Variants in TMEM44 observed in about 807,000 individuals in gnomAD.
TMEM44 encodes transmembrane protein 44.
In TMEM44, 43 loss-of-function variants were observed where a neutral mutation model predicts 47.8. That is an observed-to-expected ratio of 0.90 (90% CI 0.70 to 1.16). The LOEUF (loss-of-function observed/expected upper bound fraction) is 1.16. Among genes scored for constraint, TMEM44 ranks in the 50% most tolerant of loss-of-function variants. The pLI is 0.00. For missense variants in TMEM44, 568 were observed against 555.2 expected (o/e 1.02, Z -0.23); for synonymous variants, 277 against 238.8 (o/e 1.16, Z -1.48).
At chr3:194,608,233 C>T (rs1471648949) in intron 8 of TMEM44, among the ~76,000 whole-genome samples, 1 of 152,208 alleles carries the variant, frequency 6.6e-6, no homozygotes, top group Non-Finnish European at 1.5e-5. Context: ...TCTCTCTGAA[C>T]TTCACTTAGG....
chr3:194,596,379 T>C (rs1459280660), intron 9 of TMEM44, among the ~76,000 whole-genome samples: 4 of 152,110 alleles, frequency 2.6e-5, no homozygotes, highest in African/African-American at 7.2e-5. Flanking sequence ...GTACAGAAGT[T>C]TTCCAGAGTG....
At chr3:194,601,429 C>CA (rs1714108908) in intron 9 of TMEM44, among the ~76,000 whole-genome samples, 1 of 151,028 alleles carries the variant, frequency 6.6e-6, no homozygotes, top group South Asian at 2.1e-4. Flanking sequence ...CTCAGCCTCC[C>CA]AAGTAGCTGG....
intron 9 of TMEM44, among the ~76,000 whole-genome samples, chr3:194,591,430 G>A (rs569824321): frequency 1.9e-4 from 29 of 152,062 alleles, no homozygotes; most frequent in African/African-American, 7.0e-4. Flanking sequence ...GGAGGCGGAG[G>A]TTGCAGTGAG....
chr3:194,598,233 C>T (rs1713651620), intron 9 of TMEM44, among the ~76,000 whole-genome samples: 1 of 152,206 alleles, frequency 6.6e-6, no homozygotes, highest in South Asian at 2.1e-4. Context: ...GCGAGCCCCA[C>T]ATGCCCACGG....
intron 2 of TMEM44, 40 bp downstream of exon 2, chr3:194,628,343 G>T (rs781752627): frequency 6.3e-7 from 1 of 1,594,012 alleles, no homozygotes. Flanking sequence ...GCCTCCCTTA[G>T]TGCTGGCCTA....
rs749448000 is a variant in TMEM44, at chr3:194,623,562, C to T, written c.492G>A (p.Gly164=). 5.6e-6 allele frequency: 9 copies of T among 1,606,768 alleles called. No individual in the cohort carries two copies. Among genetic ancestry groups the T allele is most frequent in the Admixed American group, 5.1e-5 (3 of 59,266 alleles). The stretch of plus-strand genomic sequence containing the variant: ...GGCTCGCTAGCAGCCTCCGCTGTGG[C>T]CCCCGGATGGTGGCTGAAGCCTTCG... ...AVPKASATIR[G]PQRRLLASLL... is the part of the protein sequence containing the mutation. The change falls in exon 4 of 10, where the codon GGG becomes GGA. Residue 164 remains glycine, a synonymous_variant. Transcript: ENST00000347147.
In TMEM44 at chr3:194,604,345, C is replaced by T. The variant is rs776238389; in HGVS notation, c.1118G>A (p.Arg373Gln). The change falls in exon 9 of 10, where the codon CGG (arginine) becomes CAG (glutamine). Residue 373 changes from arginine to glutamine, a missense_variant. Arg to Gln is a conservative substitution (Grantham distance 43). Coordinates refer to ENST00000347147, the MANE Select transcript of TMEM44 (RefSeq NM_001011655.3). ...PPSYPPVQVI[R>Q]ARVSSGSSSE... ...GGAGCTGCCGGAAGACACCCGGGCC[C>T]GGATGACCTGAACGGGAGGGTACGA... The T allele has an allele frequency of 4.1e-5, 65 of 1,574,710 alleles. No homozygotes were observed. In the Admixed American group the frequency reaches 1.1e-3, roughly 26 times the overall value.
chr3:194,591,985 G>A (rs1014147535), intron 9 of TMEM44, among the ~76,000 whole-genome samples: 4 of 152,124 alleles, frequency 2.6e-5, no homozygotes, highest in South Asian at 2.1e-4. Flanking sequence ...TTGGGAGGCC[G>A]AGGCGGGTGG....
intron 8 of TMEM44, among the ~76,000 whole-genome samples, chr3:194,604,826 A>C (rs761754332): frequency 1.1e-4 from 16 of 152,150 alleles, no homozygotes; most frequent in Non-Finnish European, 1.9e-4. Context: ...CAGTCTATTA[A>C]CCCATCCCCT....
intron 5 of TMEM44, among the ~76,000 whole-genome samples, chr3:194,618,488 T>C (rs1462930212): frequency 1.3e-5 from 2 of 148,726 alleles, no homozygotes; most frequent in Non-Finnish European, 3.0e-5. Context: ...TATAATTCAT[T>C]AGATGAGTTC....
At chr3:194,591,516 ATAAG>A (rs1327711392) in intron 9 of TMEM44, among the ~76,000 whole-genome samples, 9 of 151,526 alleles carry the variant, frequency 5.9e-5, no homozygotes, top group African/African-American at 2.0e-4. Flanking sequence ...AAATACATAA[ATAAG>A]TAAGTAAAAA....
At chr3:194,616,353 AGACTGT>A (rs1936146959) in intron 6 of TMEM44, 3 of 318,442 alleles carry the variant, frequency 9.4e-6, no homozygotes, top group South Asian at 7.4e-5. Flanking sequence ...TGCCCGGCCC[AGACTGT>A]GACCTTATTC....
chr3:194,614,595 C>T (rs755693427), intron 7 of TMEM44, among the ~76,000 whole-genome samples: 4 of 151,960 alleles, frequency 2.6e-5, no homozygotes, highest in East Asian at 1.9e-4. Flanking sequence ...TTGGTAGAGA[C>T]GGGGTTTCAC....
chr3:194,622,098 C>T (rs1230412909), intron 5 of TMEM44, among the ~76,000 whole-genome samples: 1 of 152,254 alleles, frequency 6.6e-6, no homozygotes, highest in East Asian at 1.9e-4. Context: ...ACAGTTGTCT[C>T]AGAGTCGTCT....
chr3:194,622,102 G>A (rs1311149530), intron 5 of TMEM44, among the ~76,000 whole-genome samples: 1 of 152,254 alleles, frequency 6.6e-6, no homozygotes, highest in African/African-American at 2.4e-5. Context: ...TTGTCTCAGA[G>A]TCGTCTGCAG....
At chr3:194,610,174 T>C (rs983826212) in intron 8 of TMEM44, among the ~76,000 whole-genome samples, 1 of 150,744 alleles carries the variant, frequency 6.6e-6, no homozygotes. Flanking sequence ...TGAGCTGAGA[T>C]CATGCCACTG....
rs1717415832 is a variant in TMEM44, at chr3:194,628,486, T to C, written c.161A>G (p.Gln54Arg). 6.2e-7 allele frequency: 1 copy of C among 1,613,482 alleles called. No individual in the cohort carries two copies. The highest frequency in any genetic ancestry group is 1.3e-5 in the African/African-American group (1 of 74,926). The stretch of plus-strand genomic sequence containing the variant: ...TGCCGACTGGTCCTGTCTGGGTTTC[T>C]GTGCACATCTCAGATAGAGAAGCCT... ...HALLLYLRCA[Q>R]KPRQDQSALC... Residue 54 changes from glutamine (Q) to arginine (R), a missense_variant, in exon 2 of 10, where the codon CAG becomes CGG. Gln to Arg is a conservative substitution (Grantham distance 43, BLOSUM62 1). Coordinates refer to ENST00000347147, the MANE Select transcript of TMEM44 (RefSeq NM_001011655.3).
Position 194,601,309 on chromosome 3 carries a change from CT to C in TMEM44, c.1176+2977del, listed in dbSNP as rs1553827277. On this transcript the variant is annotated intron_variant, in intron 9 of 9. Transcript: ENST00000347147. ...CCCGCCACCACGCCTGGCTAATTTT[CT>C]TTTTTTTTTTTGAGATGGAGTTTCG... is the stretch of plus-strand genomic sequence containing the variant. Among the ~76,000 whole-genome samples, 977 of 134,000 alleles carry C rather than the reference CT, an allele frequency of 7.3e-3. 5 individuals are homozygous for C. Among genetic ancestry groups the C allele is most frequent in the African/African-American group, 0.022 (804 of 36,244 alleles). 87.9% of individuals were successfully genotyped at this position (134,000 alleles called of 152,430 possible).
chr3:194,591,314 G>A (rs1226121021), intron 9 of TMEM44, among the ~76,000 whole-genome samples: 1 of 151,970 alleles, frequency 6.6e-6, no homozygotes, highest in Non-Finnish European at 1.5e-5. Flanking sequence ...CCAACATGGT[G>A]AAACCCCATC....
Sources: gnomAD v4.1 joint callset for allele counts (sites outside exome capture counted in the v4.1 genomes callset) on GRCh38, gnomAD v4.1.1 for gene constraint, MANE v1.5 for transcripts, NCBI Gene and HGNC (gene_info 2026-07-23, HGNC 2026-07-21) for gene names.